CNOT4: variants seen among roughly 807,000 people sequenced by gnomAD.
CNOT4 encodes the protein CCR4-NOT transcription complex subunit 4.
A neutral mutation model predicts 73.8 loss-of-function variants in CNOT4; 8 were observed. The ratio of observed to expected loss-of-function variants is 0.11; its 90% CI spans 0.06 to 0.20. The LOEUF (loss-of-function observed/expected upper bound fraction) is 0.20, where lower values mean the gene tolerates loss of function less well. Ranked by LOEUF, CNOT4 falls within the 10% of genes least tolerant of loss-of-function variation. The pLI is 1.00. For synonymous variants in CNOT4, 293 were observed against 321.1 expected, an observed-to-expected ratio of 0.91 and a Z score of 0.94; for missense variants, 564 against 883.4, an observed-to-expected ratio of 0.64 and a Z score of 4.58.
At chr7:135,508,024 T>G (rs1804489958) in intron 1 of CNOT4, among the ~76,000 whole-genome samples, 1 of 152,144 alleles carries the variant, frequency 6.6e-6, no homozygotes, top group Non-Finnish European at 1.5e-5. Context: ...AACAGACCAT[T>G]TATCACAATC....
chr7:135,404,433 G>A (rs1797168832), intron 7 of CNOT4, among the ~76,000 whole-genome samples: 1 of 152,016 alleles, frequency 6.6e-6, no homozygotes, highest in Non-Finnish European at 1.5e-5. Flanking sequence ...ACTATTTTTA[G>A]GTCAGTTCTC....
At chr7:135,388,783 C>G in intron 10 of CNOT4, 1 of 1,611,638 alleles carries the variant, frequency 6.2e-7, no homozygotes, top group Non-Finnish European at 8.5e-7. Flanking sequence ...CCTCTCCTCT[C>G]AGTTCTGTTG....
chr7:135,365,814 A>G (rs990182011), intron 10 of CNOT4, among the ~76,000 whole-genome samples: 4 of 152,192 alleles, frequency 2.6e-5, no homozygotes, highest in Non-Finnish European at 5.9e-5. Context: ...CGGCCAGGAG[A>G]AAAAAATTCT....
chr7:135,478,469 C>T (rs535001181), intron 1 of CNOT4, among the ~76,000 whole-genome samples: 4 of 152,228 alleles, frequency 2.6e-5, no homozygotes, highest in East Asian at 1.9e-4. Context: ...GGGCTGGGCA[C>T]GGTGGCTCAG....
At chr7:135,390,606 C>A (rs58074369) in intron 10 of CNOT4, among the ~76,000 whole-genome samples, 5,339 of 152,064 alleles carry the variant, frequency 0.035, 319 homozygotes, top group African/African-American at 0.12. Flanking sequence ...AACACAAAAA[C>A]AGTTTTCAAT....
chr7:135,379,611 C>T (rs2129482864), intron 10 of CNOT4, among the ~76,000 whole-genome samples: 1 of 151,970 alleles, frequency 6.6e-6, no homozygotes, highest in South Asian at 2.1e-4. Context: ...TATCAGCCAT[C>T]CATAATCATG....
At chr7:135,422,379 G>A (rs186255909) in intron 2 of CNOT4, 26 bp from the exon 3 acceptor site, 41 of 1,060,076 alleles carry the variant, frequency 3.9e-5, no homozygotes, top group Admixed American at 2.4e-4. Context: ...AAACATAGAC[G>A]TTAGCATTAA....
At chr7:135,471,633 T>G (rs920818477) in intron 1 of CNOT4, among the ~76,000 whole-genome samples, 3 of 152,236 alleles carry the variant, frequency 2.0e-5, no homozygotes, top group Admixed American at 2.0e-4. Flanking sequence ...ATGTATGTAT[T>G]TAATTATTGT....
chr7:135,506,342 T>C (rs1276381388), intron 1 of CNOT4, among the ~76,000 whole-genome samples: 1 of 152,224 alleles, frequency 6.6e-6, no homozygotes, highest in Non-Finnish European at 1.5e-5. Flanking sequence ...CCTATTTCCC[T>C]ACTGTTTTCT....
At position 135,486,364 on chromosome 7, in the gene CNOT4, C is replaced by T. The variant is rs542252355; in HGVS notation, c.-93+23525G>A. ...AAAACACCACAATAAAATATCACTA[C>T]GGATCTCTTGGAATGACTACAATGA... On this transcript the variant is annotated intron_variant, in intron 1 of 11. Coordinates refer to ENST00000541284, the MANE Select transcript of CNOT4 (RefSeq NM_001190850.2). Among the ~76,000 whole-genome samples the T allele has an allele frequency of 1.4e-4, 21 of 152,282 alleles. 1 individual carries two copies. Among genetic ancestry groups the T allele is most frequent in the Admixed American group, 7.2e-4 (11 of 15,302 alleles).
rs547457504 is a variant in CNOT4 at position 135,483,349 on chromosome 7, T to A, written c.-93+26540A>T. ...TAAGACTTTGTCTCAAAAAAAAAAA[T>A]AAAAATAAAGCAATATATTAAAAAA... On this transcript the variant is annotated intron_variant, in intron 1 of 11. Transcript: ENST00000541284. Among the ~76,000 whole-genome samples, 654 of 146,384 alleles carry A rather than the reference T, an allele frequency of 4.5e-3. 10 individuals carry two copies. The highest frequency in any genetic ancestry group is 0.04 in the Admixed American group (598 of 14,890).
intron 1 of CNOT4, among the ~76,000 whole-genome samples, chr7:135,467,225 A>C (rs1437936087): frequency 5.3e-5 from 8 of 152,206 alleles, no homozygotes; most frequent in African/African-American, 1.9e-4. Context: ...AAATTTACTA[A>C]GCACTCTGTC....
intron 1 of CNOT4, among the ~76,000 whole-genome samples, chr7:135,453,825 TTTA>T (rs1563059551): frequency 1.3e-5 from 1 of 77,366 alleles, no homozygotes; most frequent in Non-Finnish European, 2.8e-5. Flanking sequence ...ATATATATAT[TTTA>T]TATATATATA....
At chr7:135,444,711 C>A in intron 1 of CNOT4, 2 of 1,282,666 alleles carry the variant, frequency 1.6e-6, no homozygotes, top group South Asian at 1.2e-5. Flanking sequence ...TTGTTTGAAT[C>A]CTTGCTCTGC....
In CNOT4 at chr7:135,362,064, A is replaced by G. The variant is rs1385024418; in HGVS notation, c.*821T>C. 1 of 152,726 alleles carries G rather than the reference A, an allele frequency of 6.5e-6. No homozygotes were observed. The highest frequency in any genetic ancestry group is 1.5e-5 in the Non-Finnish European group (1 of 68,146). 9.5% of individuals were successfully genotyped at this position (152,726 alleles called of 1,614,324 possible). A position where few individuals can be genotyped will look rare whatever the true frequency, so the allele number is the denominator to read the frequency against. ...GCCCTCGTCAGGTGAATTTATGGTA[A>G]AACAAAAAAGATTCCGACAGAGGAG... On this transcript the variant is annotated 3_prime_UTR_variant, in exon 12 of 12. Coordinates refer to ENST00000541284, the MANE Select transcript of CNOT4 (RefSeq NM_001190850.2).
rs950932971 is a variant in CNOT4, at chr7:135,364,586, T to C, written c.1628-520A>G. Among the ~76,000 whole-genome samples the C allele has an allele frequency of 6.6e-6, 1 of 152,228 alleles. No individual in the cohort carries two copies. The highest frequency in any genetic ancestry group is 1.5e-5 in the Non-Finnish European group (1 of 68,034). ...CTTCATTATAAAACTGGCAATGTGC[T>C]TCAGAAGAGAAAAGCAGTAATGAAC... On this transcript the variant is annotated intron_variant, in intron 10 of 11. Coordinates refer to ENST00000541284, the MANE Select transcript of CNOT4 (RefSeq NM_001190850.2). This position sits in a 1 kb window ranked among gnomAD's most constrained non-coding sequence, Gnocchi z 4.3.
At chr7:135,487,707 T>TA (rs756011402) in intron 1 of CNOT4, among the ~76,000 whole-genome samples, 140 of 151,626 alleles carry the variant, frequency 9.2e-4, no homozygotes, top group Admixed American at 1.8e-3. Flanking sequence ...CATTGCTTTT[T>TA]AAAAAAAAAT....
chr7:135,379,539 TG>T (rs377651950), intron 10 of CNOT4, among the ~76,000 whole-genome samples: 12 of 152,192 alleles, frequency 7.9e-5, no homozygotes, highest in African/African-American at 2.6e-4. Context: ...AAATGGGGAT[TG>T]GGGGGAGTAG....
At chr7:135,395,951 T>C in intron 8 of CNOT4, 68 bp from the exon 9 acceptor site, 1 of 1,109,494 alleles carries the variant, frequency 9.0e-7, no homozygotes, top group Non-Finnish European at 1.3e-6. Context: ...AATTAAAAAG[T>C]TTGCAACTAA....
Sources: allele counts gnomAD v4.1 joint callset (sites outside exome capture counted in the v4.1 genomes callset), GRCh38; gene constraint gnomAD v4.1.1; non-coding constraint Gnocchi (gnomAD v3.1); transcripts MANE v1.5; gene names NCBI Gene and HGNC (gene_info 2026-07-23, HGNC 2026-07-21).